The following ESRRG variants were observed in gnomAD, a reference collection of about 807,000 sequenced individuals.
ESRRG encodes estrogen-related receptor gamma.
ESRRG carries 13 observed loss-of-function variants against 44.0 expected under a neutral mutation model. The observed-to-expected ratio is 0.30, with a 90% CI of 0.19 to 0.47. The LOEUF (loss-of-function observed/expected upper bound fraction) is 0.47, where lower values mean the gene tolerates loss of function less well. Ranked by LOEUF, ESRRG falls within the 20% of genes least tolerant of loss-of-function variation. The pLI, the probability that ESRRG is intolerant of heterozygous loss-of-function variation, is 1.00. For missense variants in ESRRG, 395 were observed against 580.6 expected, an observed-to-expected ratio of 0.68 and a Z score of 3.29; for synonymous variants, 215 against 214.6, an observed-to-expected ratio of 1.00 and a Z score of -0.02.
At chr1:216,607,521 C>T (rs550465052) in intron 3 of ESRRG, among the ~76,000 whole-genome samples, 4 of 152,126 alleles carry the variant, frequency 2.6e-5, no homozygotes, top group Non-Finnish European at 4.4e-5. Flanking sequence ...GCATCAACTC[C>T]GTGTGTGCAT....
At chr1:216,972,443 G>C (rs1021472536) in intron 1 of ESRRG, among the ~76,000 whole-genome samples, 3 of 152,094 alleles carry the variant, frequency 2.0e-5, no homozygotes, top group Admixed American at 6.6e-5. Context: ...ATAACACCAA[G>C]TACACAGTCA....
At chr1:216,646,672 T>G (rs1421796306) in intron 3 of ESRRG, among the ~76,000 whole-genome samples, 1 of 152,192 alleles carries the variant, frequency 6.6e-6, no homozygotes, top group Non-Finnish European at 1.5e-5. Flanking sequence ...CATTGGCTAT[T>G]TATAACATGT....
intron 3 of ESRRG, among the ~76,000 whole-genome samples, chr1:216,647,811 T>G (rs7534151): frequency 0.014 from 2,148 of 152,312 alleles, 41 homozygotes; most frequent in African/African-American, 0.046. Context: ...GGCAACACTT[T>G]ATCTACAATG....
intron 1 of ESRRG, among the ~76,000 whole-genome samples, chr1:216,687,485 C>G (rs1347066659): frequency 6.6e-6 from 1 of 152,110 alleles, no homozygotes; most frequent in Non-Finnish European, 1.5e-5. Flanking sequence ...GATTTTTTCC[C>G]TCTCTTCTAT....
intron 2 of ESRRG, among the ~76,000 whole-genome samples, chr1:216,911,562 C>A (rs1271891559): frequency 6.6e-6 from 1 of 152,048 alleles, no homozygotes; most frequent in Admixed American, 6.6e-5. Context: ...ATGCACGACA[C>A]CCAGAGAGAA....
intron 1 of ESRRG, among the ~76,000 whole-genome samples, chr1:217,053,566 G>A (rs2086536660): frequency 6.6e-6 from 1 of 152,104 alleles, no homozygotes; most frequent in South Asian, 2.1e-4. Flanking sequence ...TGTCATTTGT[G>A]TTTTAGTCAT....
chr1:216,876,976 A>ATGTGTGTGTGTG (rs61039286), intron 2 of ESRRG, among the ~76,000 whole-genome samples: 34 of 145,472 alleles, frequency 2.3e-4, no homozygotes, highest in South Asian at 7.0e-4. Context: ...CTCTTCACTA[A>ATGTGTGTGTGTG]TGTGTGTGTG....
chr1:216,886,300 C>A (rs920141837), intron 2 of ESRRG, among the ~76,000 whole-genome samples: 4 of 152,132 alleles, frequency 2.6e-5, no homozygotes, highest in Non-Finnish European at 4.4e-5. Flanking sequence ...CCTAACTGAC[C>A]AGAGCTTAAA....
At chr1:217,123,223 A>G (rs2092844946) in intron 1 of ESRRG, among the ~76,000 whole-genome samples, 1 of 152,134 alleles carries the variant, frequency 6.6e-6, no homozygotes, top group Admixed American at 6.5e-5. Context: ...GGAATAGATG[A>G]TATACCTAAC....
chr1:217,028,829 T>C (rs970899931), intron 1 of ESRRG, among the ~76,000 whole-genome samples: 5 of 152,186 alleles, frequency 3.3e-5, no homozygotes, highest in African/African-American at 1.2e-4. Context: ...TGCCTTGTAC[T>C]TGCATTGAAA....
chr1:216,593,303 A>G (rs2057971540), intron 3 of ESRRG, among the ~76,000 whole-genome samples: 1 of 152,186 alleles, frequency 6.6e-6, no homozygotes. Flanking sequence ...AAAAAATAAA[A>G]TGAATAAAAT....
intron 1 of ESRRG, among the ~76,000 whole-genome samples, chr1:216,942,250 C>A (rs1347052210): frequency 1.3e-5 from 2 of 152,130 alleles, no homozygotes; most frequent in Non-Finnish European, 2.9e-5. Flanking sequence ...TGATTTCATT[C>A]TTTTTTATGG....
intron 3 of ESRRG, among the ~76,000 whole-genome samples, chr1:216,619,310 G>C (rs988053587): frequency 6.6e-6 from 1 of 152,130 alleles, no homozygotes; most frequent in Non-Finnish European, 1.5e-5. Context: ...AATGTCAAAT[G>C]ATGTTTCCAG....
At chr1:216,576,956 C>T (rs1454413035) in intron 3 of ESRRG, among the ~76,000 whole-genome samples, 2 of 151,994 alleles carry the variant, frequency 1.3e-5, no homozygotes, top group African/African-American at 2.4e-5. Flanking sequence ...TATTTTTAAA[C>T]AGCTATCTAT....
intron 2 of ESRRG, among the ~76,000 whole-genome samples, chr1:216,734,168 ACTT>A (rs1169584807): frequency 6.6e-6 from 1 of 151,992 alleles, no homozygotes; most frequent in Non-Finnish European, 1.5e-5. Flanking sequence ...CATTGAGTAA[ACTT>A]CTTGATGGCC....
intron 1 of ESRRG, among the ~76,000 whole-genome samples, chr1:217,116,827 G>A (rs774188239): frequency 6.6e-6 from 1 of 152,114 alleles, no homozygotes; most frequent in Non-Finnish European, 1.5e-5. Flanking sequence ...ATGGTGGTAG[G>A]CATGGAGTTG....
chr1:217,069,047 G>T (rs2090188689), intron 1 of ESRRG, among the ~76,000 whole-genome samples: 1 of 152,226 alleles, frequency 6.6e-6, no homozygotes, highest in South Asian at 2.1e-4. Context: ...TTTATCCTGG[G>T]TGTGTCTATC....
At chr1:217,039,233 A>G (rs1196414280) in intron 1 of ESRRG, among the ~76,000 whole-genome samples, 3 of 152,146 alleles carry the variant, frequency 2.0e-5, no homozygotes, top group Non-Finnish European at 4.4e-5. Context: ...AAACTGTTCC[A>G]ACCTCTGTGT....
intron 2 of ESRRG, among the ~76,000 whole-genome samples, chr1:216,848,579 C>T (rs145772905): frequency 3.3e-5 from 5 of 152,044 alleles, no homozygotes; most frequent in Non-Finnish European, 2.9e-5. Context: ...CTCTACATTG[C>T]GCAGCATGTT....
Sources: allele counts gnomAD v4.1 joint callset (sites outside exome capture counted in the v4.1 genomes callset), GRCh38; gene constraint gnomAD v4.1.1; transcripts MANE v1.5; gene names NCBI Gene and HGNC (gene_info 2026-07-23, HGNC 2026-07-21).